HDAC9: variants seen among roughly 807,000 people sequenced by gnomAD.
HDAC9 encodes the protein MEF-2 interacting transcription repressor (MITR) protein.
In HDAC9, 41 loss-of-function variants were observed where a neutral mutation model predicts 139.4. The ratio of observed to expected loss-of-function variants is 0.29; its 90% CI spans 0.23 to 0.38. HDAC9 has a LOEUF of 0.38. Ranked by LOEUF, HDAC9 falls within the 10% of genes least tolerant of loss-of-function variation. The probability of loss-of-function intolerance (pLI) is 1.00; values close to 1 mark genes in which losing one functional copy is unlikely to be tolerated. For missense variants in HDAC9, 1,147 were observed against 1,297.0 expected (o/e 0.88, Z 1.78); for synonymous variants, 517 against 476.2 (o/e 1.09, Z -1.12).
chr7:18,430,897 C>T (rs1232626957), intron 1 of HDAC9, among the ~76,000 whole-genome samples: 1 of 152,016 alleles, frequency 6.6e-6, no homozygotes, highest in Non-Finnish European at 1.5e-5. Flanking sequence ...CAAACCAAAC[C>T]AAACCAAACA....
intron 2 of HDAC9, 158 bp downstream of exon 2, chr7:18,496,482 T>G: frequency 1.6e-6 from 1 of 620,268 alleles, no homozygotes; most frequent in Non-Finnish European, 2.9e-6. Context: ...TTAGATCCCT[T>G]CCATTACTGT....
rs1443550169 is a variant in HDAC9 at position 18,445,313 on chromosome 7, TG to T, written c.-41-50948del. Among the ~76,000 whole-genome samples the T allele has an allele frequency of 3.3e-5, 5 of 152,324 alleles. 1 individual carries two copies. Among genetic ancestry groups the T allele is most frequent in the African/African-American group, 1.2e-4 (5 of 41,578 alleles). Reference sequence around the variant, plus strand: ...AATTACATTGAGTTAACTTTTTTGATGACTATAGTTTTCTACTATAGGCTAT... The same window carrying T: ...AATTACATTGAGTTAACTTTTTTGATACTATAGTTTTCTACTATAGGCTAT... On this transcript the variant is annotated intron_variant, in intron 1 of 3. Transcript: ENST00000413509.
intron 2 of HDAC9, among the ~76,000 whole-genome samples, chr7:18,229,116 A>T (rs904165811): frequency 1.3e-5 from 2 of 152,242 alleles, no homozygotes; most frequent in Non-Finnish European, 2.9e-5. Flanking sequence ...TCATTAATTC[A>T]CAATAAATTC....
chr7:18,410,791 G>T (rs1488822907), intron 1 of HDAC9, among the ~76,000 whole-genome samples: 1 of 152,104 alleles, frequency 6.6e-6, no homozygotes, highest in African/African-American at 2.4e-5. Context: ...TTTTATAAAA[G>T]TTTCTGCCTA....
At chr7:18,230,073 G>T (rs908175438) in intron 2 of HDAC9, among the ~76,000 whole-genome samples, 3 of 152,156 alleles carry the variant, frequency 2.0e-5, no homozygotes, top group Non-Finnish European at 2.9e-5. Flanking sequence ...ATGGGTGCAG[G>T]TTGGGATGAG....
At chr7:18,129,552 A>G (rs956385853) in intron 1 of HDAC9, among the ~76,000 whole-genome samples, 1 of 152,176 alleles carries the variant, frequency 6.6e-6, no homozygotes, top group African/African-American at 2.4e-5. Context: ...TTAATACAAT[A>G]TTAAAACCTG....
At chr7:18,557,564 T>G (rs896536395) in intron 2 of HDAC9, among the ~76,000 whole-genome samples, 5 of 150,862 alleles carry the variant, frequency 3.3e-5, no homozygotes, top group Non-Finnish European at 7.4e-5. Flanking sequence ...TACTAGGGAT[T>G]TCTACTAGTA....
At chr7:18,929,961 A>G (rs1346123078) in intron 22 of HDAC9, among the ~76,000 whole-genome samples, 2 of 152,064 alleles carry the variant, frequency 1.3e-5, no homozygotes, top group Non-Finnish European at 2.9e-5. Flanking sequence ...ATCTGAAACA[A>G]TATGATTTCT....
chr7:18,753,882 T>C (rs913014740), intron 14 of HDAC9, among the ~76,000 whole-genome samples: 2 of 152,104 alleles, frequency 1.3e-5, no homozygotes, highest in African/African-American at 4.8e-5. Context: ...TAATACTGTC[T>C]GACACTAGAA....
chr7:18,357,242 A>G (rs947417668), intron 1 of HDAC9, among the ~76,000 whole-genome samples: 2 of 152,130 alleles, frequency 1.3e-5, no homozygotes, highest in Non-Finnish European at 2.9e-5. Flanking sequence ...CCAATCTAAT[A>G]TATATGTGAA....
intron 11 of HDAC9, among the ~76,000 whole-genome samples, chr7:18,659,606 T>C (rs899026717): frequency 1.3e-5 from 2 of 152,094 alleles, no homozygotes; most frequent in Non-Finnish European, 2.9e-5. Flanking sequence ...TCGGCCCAAT[T>C]GCTATACAGT....
intron 1 of HDAC9, among the ~76,000 whole-genome samples, chr7:18,112,337 A>G (rs1584111223): frequency 6.6e-6 from 1 of 152,208 alleles, no homozygotes; most frequent in African/African-American, 2.4e-5. Context: ...TGAGAAAGTG[A>G]TAGAGAAATT....
Position 18,478,221 on chromosome 7 carries a change from G to T in HDAC9, c.-41-18041G>T, listed in dbSNP as rs199965890. ...CGAGTAGCTGGGACTACAGGCGCCC[G>T]CCACCATGCCCCGGTAATATTTTGT... On this transcript the variant is annotated intron_variant, in intron 1 of 3. Coordinates refer to the HDAC9 transcript ENST00000413509. 4.6e-5 allele frequency among the ~76,000 whole-genome samples: 7 copies of T among 152,136 alleles called. No homozygotes were observed. The East Asian group carries it at 1.4e-3, about 29-fold the overall frequency.
At chr7:18,826,392 C>T (rs1035591589) in intron 17 of HDAC9, among the ~76,000 whole-genome samples, 1 of 152,018 alleles carries the variant, frequency 6.6e-6, no homozygotes, top group Non-Finnish European at 1.5e-5. Flanking sequence ...AAGGGGGGCA[C>T]TCAGAAAATA....
chr7:18,360,735 A>AT (rs1168100794), intron 1 of HDAC9, among the ~76,000 whole-genome samples: 6 of 151,902 alleles, frequency 3.9e-5, no homozygotes, highest in South Asian at 2.1e-4. Context: ...ATTGCTGACA[A>AT]TTTTTTTTAT....
At chr7:18,731,715 TCC>T (rs1374977625) in intron 13 of HDAC9, among the ~76,000 whole-genome samples, 1 of 152,154 alleles carries the variant, frequency 6.6e-6, no homozygotes, top group African/African-American at 2.4e-5. Flanking sequence ...AACCTCCGCC[TCC>T]CGGGTTCAAG....
intron 2 of HDAC9, among the ~76,000 whole-genome samples, chr7:18,258,911 T>C (rs1162513332): frequency 6.6e-6 from 1 of 151,636 alleles, no homozygotes; most frequent in Non-Finnish European, 1.5e-5. Flanking sequence ...TCTTGCAGTT[T>C]TCCTCAGGAG....
chr7:18,858,103 A>C (rs773054311), intron 21 of HDAC9, among the ~76,000 whole-genome samples: 11 of 152,172 alleles, frequency 7.2e-5, no homozygotes, highest in Non-Finnish European at 1.5e-4. Context: ...TCATGACAGC[A>C]GTGTCGAAAT....
At chr7:18,960,035 CACACACAG>C (rs1282835235) in intron 24 of HDAC9, among the ~76,000 whole-genome samples, 1 of 147,072 alleles carries the variant, frequency 6.8e-6, no homozygotes, top group African/African-American at 2.5e-5. Flanking sequence ...CACACACACA[CACACACAG>C]AGTATTATTT....
Sources: allele counts gnomAD v4.1 joint callset (sites outside exome capture counted in the v4.1 genomes callset), GRCh38; gene constraint gnomAD v4.1.1; transcripts MANE v1.5; gene names NCBI Gene and HGNC (gene_info 2026-07-23, HGNC 2026-07-21).